ADGRF5: variants seen among roughly 807,000 people sequenced by gnomAD.
The protein encoded by ADGRF5 is adhesion G protein-coupled receptor F5, also known as G-protein coupled receptor 116.
Under a neutral mutation model 132.3 loss-of-function variants are expected in ADGRF5, and 75 were observed. The observed-to-expected ratio is 0.57, with a 90% CI of 0.47 to 0.69. The LOEUF is 0.69. Ranked by LOEUF, ADGRF5 falls within the 30% of genes least tolerant of loss-of-function variation. The pLI is 0.00. For synonymous variants in ADGRF5, 629 were observed against 597.6 expected, an observed-to-expected ratio of 1.05 and a Z score of -0.77; for missense variants, 1,516 against 1,630.6, an observed-to-expected ratio of 0.93 and a Z score of 1.21.
Position 46,888,612 on chromosome 6 carries a change from T to C in ADGRF5, c.158-107A>G, listed in dbSNP as rs1047320486. 20 of 768,684 alleles carry C rather than the reference T, an allele frequency of 2.6e-5. No individual in the cohort carries two copies. The African/African-American group carries it at 2.8e-4, about 11-fold the overall frequency. The allele number at this position is 768,684 out of a possible 1,614,324, so 47.6% of individuals were successfully genotyped here. A position where few individuals can be genotyped will look rare whatever the true frequency, so the allele number is the denominator to read the frequency against. ...GGTAATGACAGGTACATGTGAATGG[T>C]TGGTCTATCAACCCTTAGGAATTTC... On this transcript the variant is annotated intron_variant, in intron 3 of 20. Coordinates refer to ENST00000283296, the MANE Select transcript of ADGRF5 (RefSeq NM_001098518.2).
chr6:46,864,659 G>C (rs772424533), intron 14 of ADGRF5, among the ~76,000 whole-genome samples: 1 of 151,972 alleles, frequency 6.6e-6, no homozygotes, highest in Non-Finnish European at 1.5e-5. Context: ...CGAGCAGCTG[G>C]GACCGCAGGT....
chr6:46,920,245 G>T (rs1776795272), intron 1 of ADGRF5, among the ~76,000 whole-genome samples: 2 of 152,140 alleles, frequency 1.3e-5, no homozygotes, highest in African/African-American at 4.8e-5. Context: ...TTAGGAGGTT[G>T]TTACTAATAT....
intron 15 of ADGRF5, among the ~76,000 whole-genome samples, chr6:46,861,569 T>C (rs1016297003): frequency 6.6e-6 from 1 of 152,222 alleles, no homozygotes; most frequent in Non-Finnish European, 1.5e-5. Context: ...ATACTTTCAT[T>C]TGTGGCATCT....
chr6:46,852,629 T>G lies in ADGRF5; in HGVS notation c.*1363A>C, dbSNP rs1216284038. 1 of 144,302 alleles carries G rather than the reference T, an allele frequency of 6.9e-6. No individual in the cohort carries two copies. The highest frequency in any genetic ancestry group is 1.9e-4 in the East Asian group (1 of 5,196). The allele number at this position is 144,302 out of a possible 1,614,324, so 8.9% of individuals were successfully genotyped here. A position where few individuals can be genotyped will look rare whatever the true frequency, so the allele number is the denominator to read the frequency against. On this transcript the variant is annotated 3_prime_UTR_variant, in exon 21 of 21. Coordinates refer to ENST00000283296, the MANE Select transcript of ADGRF5 (RefSeq NM_001098518.2). ...TAAATATTTATATTTTTTAATGAAA[T>G]ACACACCAAAAAAAAGCACACATGC...
Position 46,858,236 on chromosome 6 carries a change from C to T in ADGRF5, c.3667G>A (p.Val1223Ile), listed in dbSNP as rs1225532020. Reference protein sequence around the residue: ...SLFQISKSIGVLTPLLGLTWG... With the variant: ...SLFQISKSIGILTPLLGLTWG... Reference sequence around the variant, plus strand: ...GTGAGGCCCAAGAGTGGTGTGAGGACCCCAATGCTCTTGCTGATCTGAAAC... The same window carrying T: ...GTGAGGCCCAAGAGTGGTGTGAGGATCCCAATGCTCTTGCTGATCTGAAAC... The change falls in exon 17 of 21, where the codon GTC becomes ATC. Residue 1223 changes from valine (V) to isoleucine (I), a missense_variant. Val to Ile is a conservative substitution (Grantham distance 29). Around this residue, in one of 2 missense-constraint regions of ADGRF5, gnomAD observed 571 missense variants for 701.2 expected, o/e 0.81. Coordinates refer to ENST00000283296, the MANE Select transcript of ADGRF5 (RefSeq NM_001098518.2). The T allele has an allele frequency of 1.5e-5, 24 of 1,613,956 alleles. No individual in the cohort carries two copies. Among genetic ancestry groups the T allele is most frequent in the Middle Eastern group, 3.3e-4 (2 of 6,084 alleles).
chr6:46,869,256 C>T (rs1262792830), intron 11 of ADGRF5, 164 bp from the exon 12 acceptor site: 3 of 1,457,868 alleles, frequency 2.1e-6, no homozygotes, highest in Non-Finnish European at 2.7e-6. Flanking sequence ...CCTTGCTGCT[C>T]CTGGGCTTTA....
intron 3 of ADGRF5, among the ~76,000 whole-genome samples, chr6:46,898,844 G>C (rs1240500268): frequency 6.6e-6 from 1 of 152,164 alleles, no homozygotes; most frequent in Non-Finnish European, 1.5e-5. Context: ...TTTCCTTCTA[G>C]ATAGTTGGTA....
At chr6:46,869,912 G>T (rs541534065) in intron 11 of ADGRF5, among the ~76,000 whole-genome samples, 154 of 151,924 alleles carry the variant, frequency 1.0e-3, no homozygotes, top group African/African-American at 3.5e-3. Flanking sequence ...CTTCTCACAG[G>T]TTCATGAAAA....
chr6:46,885,306 T>C (rs1448294506), intron 4 of ADGRF5, among the ~76,000 whole-genome samples: 1 of 152,080 alleles, frequency 6.6e-6, no homozygotes, highest in East Asian at 1.9e-4. Context: ...GGTTGATAGA[T>C]TATTTATAAA....
chr6:46,867,109 C>G lies in ADGRF5; in HGVS notation c.1650G>C (p.Lys550Asn). 6.2e-7 allele frequency: 1 copy of G among 1,610,598 alleles called. No homozygotes were observed. Among genetic ancestry groups the G allele is most frequent in the South Asian group, 1.1e-5 (1 of 90,956 alleles). The change falls in exon 13 of 21, where the codon AAG becomes AAC. Residue 550 changes from lysine to asparagine, a missense_variant. This residue lies in a region of ADGRF5 where 945 missense variants were observed against 929.4 expected (regional missense o/e 1.02). Transcript: ENST00000283296. ...CTTTGGTTGCAATACTGTATGAATTCTTATATCTAAATATGCAGTGATAGG... is the reference window on the plus strand; with the variant it reads ...CTTTGGTTGCAATACTGTATGAATTGTTATATCTAAATATGCAGTGATAGG... ...NGTYHCIFRY[K>N]NSYSIATKDV...
chr6:46,939,235 C>T (rs1777965572), intron 1 of ADGRF5, among the ~76,000 whole-genome samples: 1 of 152,186 alleles, frequency 6.6e-6, no homozygotes, highest in Non-Finnish European at 1.5e-5. Context: ...TAGTGGTTCT[C>T]TTCTACCTGT....
At chr6:46,910,718 C>A (rs1469342905) in intron 1 of ADGRF5, among the ~76,000 whole-genome samples, 1 of 152,066 alleles carries the variant, frequency 6.6e-6, no homozygotes, top group Non-Finnish European at 1.5e-5. Flanking sequence ...AACAAACAAA[C>A]AAACAAACAA....
chr6:46,864,675 C>G (rs1487839334), intron 14 of ADGRF5, among the ~76,000 whole-genome samples: 1 of 152,162 alleles, frequency 6.6e-6, no homozygotes, highest in African/African-American at 2.4e-5. Context: ...CAGGTGCATG[C>G]TCCCATGCCT....
intron 10 of ADGRF5, among the ~76,000 whole-genome samples, chr6:46,877,232 TTTC>T (rs1771776984): frequency 8.3e-5 from 2 of 24,104 alleles, no homozygotes; most frequent in Non-Finnish European, 1.6e-4. Flanking sequence ...CCTCTCTTTC[TTTC>T]TTTCTTTCTT....
chr6:46,902,791 G>A (rs1485714537), intron 2 of ADGRF5, among the ~76,000 whole-genome samples: 2 of 152,186 alleles, frequency 1.3e-5, no homozygotes, highest in Admixed American at 1.3e-4. Context: ...AGATAATGGA[G>A]GGAAAAGCAC....
At chr6:46,889,355 G>T (rs1773397418) in intron 3 of ADGRF5, among the ~76,000 whole-genome samples, 1 of 146,758 alleles carries the variant, frequency 6.8e-6, no homozygotes, top group South Asian at 2.1e-4. Flanking sequence ...TCTATATAGA[G>T]TAGTCCATAT....
intron 3 of ADGRF5, among the ~76,000 whole-genome samples, chr6:46,896,467 C>T (rs1774189590): frequency 6.6e-6 from 1 of 152,120 alleles, no homozygotes; most frequent in Non-Finnish European, 1.5e-5. Flanking sequence ...CTTCTCTGGA[C>T]TGGAGGTAGA....
chr6:46,872,146 G>A (rs1321410667), intron 10 of ADGRF5, 133 bp from the exon 11 acceptor site: 7 of 623,840 alleles, frequency 1.1e-5, no homozygotes, highest in Middle Eastern at 4.3e-4. Context: ...GGAGAAGTTG[G>A]GTTTATGGTG....
chr6:46,900,095 A>G lies in ADGRF5; in HGVS notation c.103-12T>C. On this transcript the variant is annotated splice_polypyrimidine_tract_variant and intron_variant, in intron 2 of 20. Coordinates refer to ENST00000283296, the MANE Select transcript of ADGRF5 (RefSeq NM_001098518.2). ...TGTTCATGAAGACTCTGAAAAGAAC[A>G]TTTGAGAAAGTTGTCAATTAACGTT... The G allele has an allele frequency of 6.2e-7, 1 of 1,608,206 alleles. No homozygotes were observed. Among genetic ancestry groups the G allele is most frequent in the Non-Finnish European group, 8.5e-7 (1 of 1,174,632 alleles).
Sources: allele counts gnomAD v4.1 joint callset (sites outside exome capture counted in the v4.1 genomes callset), GRCh38; gene constraint gnomAD v4.1.1; regional missense constraint gnomAD v4.1.1; transcripts MANE v1.5; gene names NCBI Gene and HGNC (gene_info 2026-07-23, HGNC 2026-07-21).